Variants in SHOC1 observed in about 807,000 individuals in gnomAD.
SHOC1 encodes protein shortage in chiasmata 1 ortholog.
Under a neutral mutation model 179.2 loss-of-function variants are expected in SHOC1, and 136 were observed. That is an observed-to-expected ratio of 0.76 (90% CI 0.66 to 0.87). The LOEUF is 0.87. Among genes scored for constraint, SHOC1 ranks in the 40% least tolerant of loss-of-function variants. The pLI, the probability that SHOC1 is intolerant of heterozygous loss-of-function variation, is 0.00. For synonymous variants in SHOC1, 489 were observed against 586.6 expected (o/e 0.83, Z 2.41); for missense variants, 1,538 against 1,700.8 (o/e 0.90, Z 1.68).
intron 2 of SHOC1, among the ~76,000 whole-genome samples, chr9:111,786,908 G>C (rs1172536071): frequency 6.6e-6 from 1 of 152,178 alleles, no homozygotes; most frequent in African/African-American, 2.4e-5. Context: ...TGCAGTTGGT[G>C]ATTTTAAGTT....
At chr9:111,739,343 G>GA (rs1016189617) in intron 11 of SHOC1, among the ~76,000 whole-genome samples, 2 of 152,102 alleles carry the variant, frequency 1.3e-5, no homozygotes, top group African/African-American at 4.8e-5. Flanking sequence ...TATTTAGAGT[G>GA]AAAAGTCTCA....
At position 111,722,409 on chromosome 9, in the gene SHOC1, C is replaced by A; in HGVS notation, c.2131G>T (p.Gly711Cys). The A allele has an allele frequency of 6.3e-7, 1 of 1,587,586 alleles. No homozygotes were observed. The highest frequency in any genetic ancestry group is 8.5e-7 in the Non-Finnish European group (1 of 1,173,436). Residue 711 changes from glycine to cysteine, a missense_variant and splice_region_variant, in exon 15 of 28, where the codon GGT becomes TGT. Physicochemically the swap from Gly to Cys is radical, Grantham distance 159. Transcript: ENST00000682961. ...TAACGTGACTTTTATTTGTACTCACCTTGGCGAACAGCATCACTTACTACT... is the reference window on the plus strand; with the variant it reads ...TAACGTGACTTTTATTTGTACTCACATTGGCGAACAGCATCACTTACTACT... ...EKVVSDAVRQGTIDEREMTFK... is the reference protein window; with the variant it reads ...EKVVSDAVRQCTIDEREMTFK...
intron 12 of SHOC1, among the ~76,000 whole-genome samples, chr9:111,732,319 C>A (rs1337337480): frequency 6.6e-6 from 1 of 152,132 alleles, no homozygotes; most frequent in Non-Finnish European, 1.5e-5. Flanking sequence ...CATGGTGGCT[C>A]ACACCTGTAA....
rs58575917 is a variant in SHOC1 at position 111,781,724 on chromosome 9, G to GTAAA, written c.170-711_170-708dup. ...GGCACCTGGGTGAGAGTGAGACTCTGTAAATAAATAAATAAATAAATAAAT... is the reference window on the plus strand; with the variant it reads ...GGCACCTGGGTGAGAGTGAGACTCTGTAAATAAATAAATAAATAAATAAATAAAT... On this transcript the variant is annotated intron_variant, in intron 3 of 27. Transcript: ENST00000682961. 5.6e-3 allele frequency among the ~76,000 whole-genome samples: 761 copies of GTAAA among 135,118 alleles called. 15 individuals carry two copies. The highest frequency in any genetic ancestry group is 0.038 in the Admixed American group (526 of 14,008). 88.6% of individuals were successfully genotyped at this position (135,118 alleles called of 152,430 possible).
At chr9:111,769,986 G>GTTTTTTTTTTTTTTTTTTTT (rs769266659) in intron 5 of SHOC1, among the ~76,000 whole-genome samples, 2 of 77,630 alleles carry the variant, frequency 2.6e-5, no homozygotes, top group African/African-American at 6.6e-5. Context: ...TTTTTTTTTT[G>GTTTTTTTTTTTTTTTTTTTT]TTTTTTTTTT....
At chr9:111,757,006 T>C (rs541988105) in intron 7 of SHOC1, among the ~76,000 whole-genome samples, 1 of 151,786 alleles carries the variant, frequency 6.6e-6, no homozygotes, top group African/African-American at 2.4e-5. Context: ...TTAACCTTTT[T>C]ACCATCATGT....
chr9:111,789,697 C>T (rs1836386503), intron 2 of SHOC1, among the ~76,000 whole-genome samples: 1 of 152,058 alleles, frequency 6.6e-6, no homozygotes, highest in Non-Finnish European at 1.5e-5. Flanking sequence ...ATTAGTATAG[C>T]GTTTGTATTA....
At chr9:111,716,322 A>G (rs1371589598) in intron 16 of SHOC1, among the ~76,000 whole-genome samples, 10 of 151,368 alleles carry the variant, frequency 6.6e-5, no homozygotes. Flanking sequence ...AGACTACACT[A>G]CTTAAAGATA....
rs1836025352 is a variant in SHOC1 at position 111,781,174 on chromosome 9, A to G, written c.170-157T>C. 8.3e-6 allele frequency: 5 copies of G among 604,990 alleles called. No homozygotes were observed. In the South Asian group the frequency reaches 1.1e-4, roughly 13 times the overall value. The allele number at this position is 604,990 out of a possible 1,614,324, so 37.5% of individuals were successfully genotyped here. A position where few individuals can be genotyped will look rare whatever the true frequency, so the allele number is the denominator to read the frequency against. On this transcript the variant is annotated intron_variant, in intron 3 of 27. Coordinates refer to ENST00000682961, the MANE Select transcript of SHOC1 (RefSeq NM_001378211.1). Reference sequence around the variant, plus strand: ...CCTGATTCCAAATATTTGAATAGTCATCCTCATTATCATCAACCTACCCCC... The same window carrying G: ...CCTGATTCCAAATATTTGAATAGTCGTCCTCATTATCATCAACCTACCCCC...
intron 5 of SHOC1, among the ~76,000 whole-genome samples, chr9:111,773,536 G>A (rs879915089): frequency 2.0e-5 from 3 of 151,970 alleles, no homozygotes; most frequent in Non-Finnish European, 4.4e-5. Context: ...GGTTTCGAAC[G>A]CCTGACCCCA....
At chr9:111,697,801 C>A (rs1831773543) in intron 24 of SHOC1, among the ~76,000 whole-genome samples, 1 of 152,306 alleles carries the variant, frequency 6.6e-6, no homozygotes, top group South Asian at 2.1e-4. Context: ...AGTTTACAGT[C>A]CCACCAACGG....
At chr9:111,711,806 T>G (rs763516180) in intron 18 of SHOC1, among the ~76,000 whole-genome samples, 1 of 152,182 alleles carries the variant, frequency 6.6e-6, no homozygotes, top group Non-Finnish European at 1.5e-5. Context: ...GGCATGAGTT[T>G]GTGAGTTTGT....
intron 21 of SHOC1, 130 bp from the exon 22 acceptor site, chr9:111,704,122 C>T (rs1832131637): frequency 1.9e-6 from 1 of 535,116 alleles, no homozygotes; most frequent in Non-Finnish European, 3.3e-6. Context: ...TCAATTTGTT[C>T]TACTTTATAA....
At chr9:111,783,692 C>G (rs967687062) in intron 3 of SHOC1, among the ~76,000 whole-genome samples, 2 of 152,168 alleles carry the variant, frequency 1.3e-5, no homozygotes, top group African/African-American at 4.8e-5. Flanking sequence ...ATTTGAAGCT[C>G]TAGCTTGAGA....
At chr9:111,717,908 T>A (rs1832868044) in intron 16 of SHOC1, among the ~76,000 whole-genome samples, 2 of 152,206 alleles carry the variant, frequency 1.3e-5, no homozygotes, top group Admixed American at 1.3e-4. Context: ...AAGTCATGCA[T>A]GATAATGATT....
At chr9:111,711,783 G>A (rs1004843618) in intron 18 of SHOC1, among the ~76,000 whole-genome samples, 1 of 152,168 alleles carries the variant, frequency 6.6e-6, no homozygotes, top group Non-Finnish European at 1.5e-5. Context: ...TAAGAGCCCA[G>A]GTAAATTTAG....
intron 18 of SHOC1, among the ~76,000 whole-genome samples, 178 bp from the exon 19 acceptor site, chr9:111,708,102 C>A (rs1049852762): frequency 3.3e-5 from 5 of 151,736 alleles, no homozygotes; most frequent in Non-Finnish European, 7.4e-5. Context: ...GAACCATAAC[C>A]AATATTTCTC....
chr9:111,729,973 G>T (rs1833491975), intron 12 of SHOC1, among the ~76,000 whole-genome samples: 1 of 151,160 alleles, frequency 6.6e-6, no homozygotes, highest in Admixed American at 6.6e-5. Flanking sequence ...CAAATCCTTT[G>T]TTGTCATTAC....
chr9:111,701,945 C>A (rs1250485409), intron 23 of SHOC1, among the ~76,000 whole-genome samples, 160 bp downstream of exon 23: 1 of 152,034 alleles, frequency 6.6e-6, no homozygotes, highest in Non-Finnish European at 1.5e-5. Flanking sequence ...CTCCAAAATT[C>A]AAATTTGTTT....
Sources: allele counts gnomAD v4.1 joint callset (sites outside exome capture counted in the v4.1 genomes callset), GRCh38; gene constraint gnomAD v4.1.1; transcripts MANE v1.5; gene names NCBI Gene and HGNC (gene_info 2026-07-23, HGNC 2026-07-21).